GPD1L: variants seen among roughly 807,000 people sequenced by gnomAD.
GPD1L encodes the protein glycerol-3-phosphate dehydrogenase 1-like protein.
A neutral mutation model predicts 32.9 loss-of-function variants in GPD1L; 17 were observed. That is an observed-to-expected ratio of 0.52 (90% CI 0.35 to 0.78). GPD1L has a LOEUF of 0.78. Ranked by LOEUF, GPD1L falls within the 30% of genes least tolerant of loss-of-function variation. The probability of loss-of-function intolerance (pLI) is 0.01; values close to 1 mark genes in which losing one functional copy is unlikely to be tolerated. For missense variants in GPD1L, 361 were observed against 447.8 expected (o/e 0.81, Z 1.75); for synonymous variants, 187 against 165.9 (o/e 1.13, Z -0.98).
intron 5 of GPD1L, among the ~76,000 whole-genome samples, chr3:32,149,218 C>T (rs1208863888): frequency 6.6e-6 from 1 of 152,090 alleles, no homozygotes; most frequent in African/African-American, 2.4e-5. Context: ...TGCTGCCATG[C>T]CCGACTAATT....
At chr3:32,140,647 A>G (rs1273793178) in intron 4 of GPD1L, among the ~76,000 whole-genome samples, 1 of 152,150 alleles carries the variant, frequency 6.6e-6, no homozygotes. Context: ...ACAAAAGTGC[A>G]AGGTTGCTTG....
intron 1 of GPD1L, among the ~76,000 whole-genome samples, chr3:32,121,670 T>G (rs1221629180): frequency 2.1e-5 from 3 of 140,112 alleles, no homozygotes; most frequent in East Asian, 4.1e-4. Flanking sequence ...TATATATATT[T>G]CTATGTGTAT....
chr3:32,128,826 G>A (rs1700548932), intron 2 of GPD1L, among the ~76,000 whole-genome samples: 1 of 152,194 alleles, frequency 6.6e-6, no homozygotes, highest in South Asian at 2.1e-4. Context: ...TCCCCAAGTA[G>A]CTCCTGCTGT....
intron 1 of GPD1L, among the ~76,000 whole-genome samples, chr3:32,121,794 A>G (rs180775588): frequency 0.016 from 2,285 of 142,742 alleles, 15 homozygotes; most frequent in Non-Finnish European, 0.025. Flanking sequence ...TTTTTTAGGC[A>G]GAGTTTTGCT....
At chr3:32,123,839 T>TAGACAGACAGACAGAC (rs139824495) in intron 1 of GPD1L, among the ~76,000 whole-genome samples, 1 of 134,488 alleles carries the variant, frequency 7.4e-6, no homozygotes, top group Non-Finnish European at 1.6e-5. Context: ...GATAGATAGA[T>TAGACAGACAGACAGAC]AGACAGACAG....
In GPD1L at chr3:32,167,383, T is replaced by G. The variant is rs9839305; in HGVS notation, c.*1473T>G. ...AACACTGTTCTAGGCTTAGGTGACC[T>G]TAGGATCACTCAAGTAGACCCTTCA... is the stretch of plus-strand genomic sequence containing the variant. On this transcript the variant is annotated 3_prime_UTR_variant, in exon 8 of 8. Transcript: ENST00000282541. The G allele has an allele frequency of 0.4, 61,479 of 152,336 alleles. 13,627 individuals are homozygous for G. Among genetic ancestry groups the G allele is most frequent in the East Asian group, 0.6 (3,090 of 5,138 alleles). 9.4% of individuals were successfully genotyped at this position (152,336 alleles called of 1,614,324 possible).
At chr3:32,151,017 C>G (rs1700912051) in intron 5 of GPD1L, 1 of 251,434 alleles carries the variant, frequency 4.0e-6, no homozygotes, top group Non-Finnish European at 8.3e-6. Flanking sequence ...ATCCGCCTGC[C>G]TCAGCTTCCC....
intron 3 of GPD1L, among the ~76,000 whole-genome samples, chr3:32,139,551 A>C (rs961022039): frequency 6.6e-6 from 1 of 152,210 alleles, no homozygotes; most frequent in East Asian, 1.9e-4. Flanking sequence ...CATAAACTTC[A>C]CCAGACTACC....
chr3:32,162,427 G>A lies in GPD1L; in HGVS notation c.959+2753G>A, dbSNP rs1225708337. ...GGAGTCTCGCTCTGTCGCCCAGGCCGGACTGCGGACTGCAGTGGCGCAATC... is the reference window on the plus strand; with the variant it reads ...GGAGTCTCGCTCTGTCGCCCAGGCCAGACTGCGGACTGCAGTGGCGCAATC... On this transcript the variant is annotated intron_variant, in intron 7 of 7. Coordinates refer to ENST00000282541, the MANE Select transcript of GPD1L (RefSeq NM_015141.4). Among the ~76,000 whole-genome samples, 2 of 57,496 alleles carry A rather than the reference G, an allele frequency of 3.5e-5. 1 individual carries two copies. The highest frequency in any genetic ancestry group is 6.0e-5 in the Non-Finnish European group (2 of 33,280). 37.7% of individuals were successfully genotyped at this position (57,496 alleles called of 152,430 possible).
rs202069722 is a variant in GPD1L, at chr3:32,123,791, A to T, written c.48-4285A>T. On this transcript the variant is annotated intron_variant, in intron 1 of 7. Coordinates refer to ENST00000282541, the MANE Select transcript of GPD1L (RefSeq NM_015141.4). ...AGAGAGATAGATATGCAGGAATTGA[A>T]AGATAGATAGATAGATAGATAGATA... Among the ~76,000 whole-genome samples the T allele has an allele frequency of 1.4e-3, 176 of 126,888 alleles. 4 individuals are homozygous for T. The highest frequency in any genetic ancestry group is 5.0e-4 in the Non-Finnish European group (29 of 57,802). 83.2% of individuals were successfully genotyped at this position (126,888 alleles called of 152,430 possible). A position where few individuals can be genotyped will look rare whatever the true frequency, so the allele number is the denominator to read the frequency against.
chr3:32,118,635 GCAT>G (rs1390352085), intron 1 of GPD1L, among the ~76,000 whole-genome samples: 3 of 152,002 alleles, frequency 2.0e-5, no homozygotes, highest in Non-Finnish European at 4.4e-5. Context: ...CCATTTTTAA[GCAT>G]ACGGTTTAGT....
Position 32,106,621 on chromosome 3 carries a change from C to A in GPD1L, c.-91C>A. On this transcript the variant is annotated 5_prime_UTR_variant, in exon 1 of 8. Coordinates refer to ENST00000282541, the MANE Select transcript of GPD1L (RefSeq NM_015141.4). The surrounding 1 kb of genome is among the most constrained non-coding windows in gnomAD (Gnocchi z 4.0). ...TGGCGGAGAGGCGAAAGGGGCGGGG[C>A]CGCCGCCAGCCGCTGCGGGCAAGGC... The A allele has an allele frequency of 7.8e-7, 1 of 1,282,826 alleles. No homozygotes were observed. 79.5% of individuals were successfully genotyped at this position (1,282,826 alleles called of 1,614,324 possible).
Position 32,166,741 on chromosome 3 carries a change from A to G in GPD1L, c.*831A>G, listed in dbSNP as rs545762308. The G allele has an allele frequency of 5.5e-3, 834 of 152,610 alleles. 15 individuals carry two copies. Among genetic ancestry groups the G allele is most frequent in the Non-Finnish European group, 6.2e-3 (425 of 68,206 alleles). 9.5% of individuals were successfully genotyped at this position (152,610 alleles called of 1,614,324 possible). On this transcript the variant is annotated 3_prime_UTR_variant, in exon 8 of 8. Coordinates refer to ENST00000282541, the MANE Select transcript of GPD1L (RefSeq NM_015141.4). Reference sequence around the variant, plus strand: ...TACTGTTAGTCCTCTTGTTAGATGCAGTCACTCCTCCTGGTCACCTAGTGA... The same window carrying G: ...TACTGTTAGTCCTCTTGTTAGATGCGGTCACTCCTCCTGGTCACCTAGTGA...
intron 2 of GPD1L, among the ~76,000 whole-genome samples, chr3:32,136,888 T>G (rs1057170690): frequency 6.6e-6 from 1 of 152,138 alleles, no homozygotes; most frequent in African/African-American, 2.4e-5. Context: ...CAACCCACTG[T>G]CTTGAGGGCT....
chr3:32,124,168 C>T lies in GPD1L; in HGVS notation c.48-3908C>T, dbSNP rs537397544. Among the ~76,000 whole-genome samples, 35 of 152,240 alleles carry T rather than the reference C, an allele frequency of 2.3e-4. 1 individual carries two copies. The South Asian group carries it at 3.9e-3, about 17-fold the overall frequency. On this transcript the variant is annotated intron_variant, in intron 1 of 7. Coordinates refer to ENST00000282541, the MANE Select transcript of GPD1L (RefSeq NM_015141.4). ...GCAACCTCCGCCTCCTGAGTTCAAG[C>T]GATTCTCCTGCCTCAGCCTCTTGAG...
At chr3:32,162,427 G>C (rs1225708337) in intron 7 of GPD1L, among the ~76,000 whole-genome samples, 1 of 57,496 alleles carries the variant, frequency 1.7e-5, no homozygotes, top group South Asian at 6.3e-4. Context: ...CGCCCAGGCC[G>C]GACTGCGGAC....
At chr3:32,118,674 G>A (rs764881194) in intron 1 of GPD1L, among the ~76,000 whole-genome samples, 1 of 151,884 alleles carries the variant, frequency 6.6e-6, no homozygotes, top group African/African-American at 2.4e-5. Context: ...CACATTGTTC[G>A]TATTGAAAAC....
chr3:32,121,489 C>A (rs28545218), intron 1 of GPD1L, among the ~76,000 whole-genome samples: 16,593 of 90,544 alleles, frequency 0.18, 3,334 homozygotes, highest in African/African-American at 0.34. Flanking sequence ...ATATTTCTCT[C>A]TATATATATT....
Position 32,138,635 on chromosome 3 carries a change from G to A in GPD1L, c.274G>A (p.Val92Met). 1 of 1,613,950 alleles carries A rather than the reference G, an allele frequency of 6.2e-7. No individual in the cohort carries two copies. Among genetic ancestry groups the A allele is most frequent in the Non-Finnish European group, 8.5e-7 (1 of 1,179,848 alleles). ...GGCTGTGCAGGATGCAGACCTGCTG[G>A]TGTTTGTCATTCCCCACCAGTTCAT... The part of the protein sequence containing the change: ...SEAVQDADLL[V>M]FVIPHQFIHR... Residue 92 changes from valine to methionine, a missense_variant, in exon 3 of 8, where the codon GTG (valine) becomes ATG (methionine). Transcript: ENST00000282541.
Sources: allele counts gnomAD v4.1 joint callset (sites outside exome capture counted in the v4.1 genomes callset), GRCh38; gene constraint gnomAD v4.1.1; non-coding constraint Gnocchi (gnomAD v3.1); transcripts MANE v1.5; gene names NCBI Gene and HGNC (gene_info 2026-07-23, HGNC 2026-07-21).